Variants in RFT1 observed in about 807,000 individuals in gnomAD.
RFT1 encodes the protein man(5)GlcNAc(2)-PP-dolichol translocation protein RFT1.
A neutral mutation model predicts 62.2 loss-of-function variants in RFT1; 43 were observed. The observed-to-expected ratio is 0.69, with a 90% CI of 0.54 to 0.89. RFT1 has a LOEUF of 0.89. Among genes scored for constraint, RFT1 ranks in the 40% least tolerant of loss-of-function variants. RFT1 has a pLI of 0.00. For missense variants in RFT1, 605 were observed against 649.9 expected, an observed-to-expected ratio of 0.93 and a Z score of 0.75; for synonymous variants, 262 against 264.6, an observed-to-expected ratio of 0.99 and a Z score of 0.10.
the RFT1 span, among the ~76,000 whole-genome samples, chr3:53,072,464 C>A: frequency 6.6e-6 from 1 of 152,188 alleles, no homozygotes; most frequent in Non-Finnish European, 1.5e-5. Context: ...CTCGTAGGTG[C>A]GGTCAGGTGA....
chr3:53,113,386 A>G (rs957342820), intron 6 of RFT1, among the ~76,000 whole-genome samples: 2 of 139,608 alleles, frequency 1.4e-5, no homozygotes, highest in Admixed American at 7.0e-5. Flanking sequence ...TTACTTCTCA[A>G]TGGTAGGATT....
chr3:53,111,671 C>T (rs757689636), intron 7 of RFT1, among the ~76,000 whole-genome samples, 159 bp downstream of exon 7: 17 of 152,270 alleles, frequency 1.1e-4, no homozygotes, highest in African/African-American at 2.6e-4. Context: ...ACTAAACAGA[C>T]GTTGGTTTCT....
In RFT1 at chr3:53,099,408, G is replaced by A. The variant is rs1701246031; in HGVS notation, c.1181C>T (p.Ala394Val). ...GTCGACCTCCTCTTTGCTCATGGCA[G>A]CAAATGTGAAACACTCTGTCACTCC... ...INGVTECFTF[A>V]AMSKEEVDRY... The change falls in exon 11 of 13, where the codon GCT becomes GTT. Residue 394 changes from alanine (A) to valine (V), a missense_variant. Coordinates refer to ENST00000296292, the MANE Select transcript of RFT1 (RefSeq NM_052859.4). 3 of 1,613,994 alleles carry A rather than the reference G, an allele frequency of 1.9e-6. No homozygotes were observed. The African/African-American group carries it at 4.0e-5, about 22-fold the overall frequency.
At position 53,114,412 on chromosome 3, in the gene RFT1, G is replaced by T. The variant is rs1701737036; in HGVS notation, c.697-2504C>A. 2.6e-5 allele frequency among the ~76,000 whole-genome samples: 4 copies of T among 152,170 alleles called. No individual in the cohort carries two copies. In the South Asian group the frequency reaches 8.3e-4, roughly 32 times the overall value. ...GTACCTAATCTGAGAGCTCATACTT[G>T]ATTTTCCTAATGCCTTTGGTTTAAA... is the stretch of plus-strand genomic sequence containing the variant. On this transcript the variant is annotated intron_variant, in intron 6 of 12. Transcript: ENST00000296292.
intron 11 of RFT1, among the ~76,000 whole-genome samples, chr3:53,096,176 C>T (rs1701132831): frequency 6.6e-6 from 1 of 152,172 alleles, no homozygotes; most frequent in East Asian, 1.9e-4. Context: ...TGCCTCCCCA[C>T]CGTCAGCTCC....
the RFT1 span, among the ~76,000 whole-genome samples, chr3:53,068,325 C>A: frequency 9.2e-5 from 14 of 152,140 alleles, no homozygotes; most frequent in Non-Finnish European, 1.5e-4. Context: ...AGACCCCCCC[C>A]ACCAAGGTAC....
rs1700981278 is a variant in RFT1, at chr3:53,091,319, GA to G, written c.*583del. 6.1e-6 allele frequency: 1 copy of G among 162,730 alleles called. No individual in the cohort carries two copies. Among genetic ancestry groups the G allele is most frequent in the African/African-American group, 2.4e-5 (1 of 41,492 alleles). The allele number at this position is 162,730 out of a possible 1,614,324, so 10.1% of individuals were successfully genotyped here. On this transcript the variant is annotated 3_prime_UTR_variant, in exon 13 of 13. Transcript: ENST00000296292. ...GAACTCACTCTGGGAAATGTGATCTGAAAACCTTCCTGGTTTCATTTCTTGG... is the reference window on the plus strand; with the variant it reads ...GAACTCACTCTGGGAAATGTGATCTGAAACCTTCCTGGTTTCATTTCTTGG...
downstream of RFT1, among the ~76,000 whole-genome samples, chr3:53,084,105 C>G (rs976062707): frequency 2.0e-5 from 3 of 152,240 alleles, no homozygotes; most frequent in African/African-American, 7.2e-5. Flanking sequence ...CTGCATGGCC[C>G]TGCCGGGCTC....
intron 12 of RFT1, 35 bp from the exon 13 acceptor site, chr3:53,092,105 C>T (rs201984414): frequency 6.2e-7 from 1 of 1,612,860 alleles, no homozygotes; most frequent in African/African-American, 1.3e-5. Context: ...GCCTGTTCCT[C>T]AGTCTATACC....
At chr3:53,072,457 G>A in the RFT1 span, among the ~76,000 whole-genome samples, 3 of 152,276 alleles carry the variant, frequency 2.0e-5, no homozygotes, top group Non-Finnish European at 2.9e-5. Context: ...TACCCACCTC[G>A]TAGGTGCGGT....
chr3:53,111,386 A>G (rs2107134267), intron 7 of RFT1, among the ~76,000 whole-genome samples: 1 of 152,094 alleles, frequency 6.6e-6, no homozygotes, highest in East Asian at 1.9e-4. Context: ...AGCTTGGGCG[A>G]CGGAGCAAGA....
rs760730907 is a variant in RFT1, at chr3:53,130,411, C to G, written c.-11G>C. The G allele has an allele frequency of 8.4e-6, 13 of 1,551,574 alleles. No individual in the cohort carries two copies. In the South Asian group the frequency reaches 1.4e-4, roughly 17 times the overall value. On this transcript the variant is annotated 5_prime_UTR_variant, in exon 1 of 13. Transcript: ENST00000296292. ...CTCCTGGCTGCCCATAGCCTCCGCG[C>G]CAGGCTCAGACACCAGGAAATGCCG...
the RFT1 span, among the ~76,000 whole-genome samples, chr3:53,079,465 G>A: frequency 3.9e-5 from 6 of 152,162 alleles, no homozygotes; most frequent in East Asian, 1.9e-4. Flanking sequence ...TGGGCACAGT[G>A]GCTCACATGT....
At chr3:53,074,897 C>G in the RFT1 span, among the ~76,000 whole-genome samples, 1 of 152,104 alleles carries the variant, frequency 6.6e-6, no homozygotes, top group African/African-American at 2.4e-5. Flanking sequence ...GGGTCTAGCC[C>G]GTGGGGAGAA....
chr3:53,105,567 G>T, intron 9 of RFT1, 106 bp downstream of exon 9: 1 of 1,376,416 alleles, frequency 7.3e-7, no homozygotes. Context: ...AAATCTATAA[G>T]AAAATTCCTG....
intron 10 of RFT1, among the ~76,000 whole-genome samples, chr3:53,101,694 G>T (rs576409625): frequency 6.6e-5 from 10 of 152,300 alleles, no homozygotes; most frequent in African/African-American, 1.9e-4. Context: ...GAGTTAAAAT[G>T]AGGTCATTAG....
chr3:53,070,393 GTTTTTTTTTTTT>G, the RFT1 span, among the ~76,000 whole-genome samples: 18 of 85,448 alleles, frequency 2.1e-4, no homozygotes, highest in Non-Finnish European at 3.2e-4. Context: ...CTGTATTATG[GTTTTTTTTTTTT>G]TTTTTTTTTT....
At position 53,091,242 on chromosome 3, in the gene RFT1, G is replaced by A. The variant is rs1700977935; in HGVS notation, c.*661C>T. 6.4e-6 allele frequency: 1 copy of A among 155,128 alleles called. No homozygotes were observed. The highest frequency in any genetic ancestry group is 1.4e-5 in the Non-Finnish European group (1 of 69,846). The allele number at this position is 155,128 out of a possible 1,614,324, so 9.6% of individuals were successfully genotyped here. ...AGAGCCCACTCTGGGTCAAGTATGT[G>A]CTGACCTGGGGCGGCGGGGAACAGT... is the stretch of plus-strand genomic sequence containing the variant. On this transcript the variant is annotated 3_prime_UTR_variant, in exon 13 of 13. Coordinates refer to ENST00000296292, the MANE Select transcript of RFT1 (RefSeq NM_052859.4).
At chr3:53,116,180 C>G (rs780398125) in intron 6 of RFT1, among the ~76,000 whole-genome samples, 1 of 152,148 alleles carries the variant, frequency 6.6e-6, no homozygotes, top group Non-Finnish European at 1.5e-5. Context: ...ATTTGACCAG[C>G]TTCCATTAAG....
Sources: gnomAD v4.1 joint callset for allele counts (sites outside exome capture counted in the v4.1 genomes callset) on GRCh38, gnomAD v4.1.1 for gene constraint, MANE v1.5 for transcripts, NCBI Gene and HGNC (gene_info 2026-07-23, HGNC 2026-07-21) for gene names.